The following CPED1 variants were observed in gnomAD, a reference collection of about 807,000 sequenced individuals.
The protein encoded by CPED1 is cadherin-like and PC-esterase domain-containing protein 1.
In CPED1, 114 loss-of-function variants were observed where a neutral mutation model predicts 128.2. The observed-to-expected ratio is 0.89, with a 90% confidence interval of 0.76 to 1.04. CPED1 has a LOEUF of 1.04. Ranked by LOEUF, CPED1 falls within the 50% of genes least tolerant of loss-of-function variation. CPED1 has a pLI of 0.00. For synonymous variants in CPED1, 462 were observed against 426.7 expected (o/e 1.08, Z -1.02); for missense variants, 1,211 against 1,207.1 (o/e 1.00, Z -0.05).
intron 7 of CPED1, among the ~76,000 whole-genome samples, chr7:121,118,882 A>G (rs1795316496): frequency 6.6e-6 from 1 of 152,106 alleles, no homozygotes; most frequent in African/African-American, 2.4e-5. Context: ...ACTCATTCAC[A>G]ATGACAAGAA....
chr7:121,104,460 C>T (rs908018822), intron 7 of CPED1, among the ~76,000 whole-genome samples: 1 of 152,108 alleles, frequency 6.6e-6, no homozygotes, highest in Admixed American at 6.6e-5. Context: ...ATAAGTTACC[C>T]AACAGAGAGG....
chr7:121,106,046 G>A (rs186240890), intron 7 of CPED1, among the ~76,000 whole-genome samples: 6 of 152,176 alleles, frequency 3.9e-5, no homozygotes, highest in Admixed American at 1.3e-4. Context: ...AGTTCCTGGC[G>A]CATGGCAGAT....
At position 121,128,411 on chromosome 7, in the gene CPED1, G is replaced by T. The variant is rs754344685; in HGVS notation, c.1332G>T (p.Gln444His). 14 of 1,599,146 alleles carry T rather than the reference G, an allele frequency of 8.8e-6. No individual in the cohort carries two copies. The highest frequency in any genetic ancestry group is 1.3e-5 in the African/African-American group (1 of 74,590). ...KGENYQKELN[Q>H]CLSLEEINSI... ...AAAACTATCAAAAGGAACTAAATCAGTGTCTGTCCTTAGAAGAAATTAACT... is the reference window on the plus strand; with the variant it reads ...AAAACTATCAAAAGGAACTAAATCATTGTCTGTCCTTAGAAGAAATTAACT... The change falls in exon 11 of 23, where the codon CAG (glutamine) becomes CAT (histidine). Residue 444 changes from glutamine (Q) to histidine (H), a missense_variant. Gln to His is a conservative substitution (Grantham distance 24, BLOSUM62 0). Transcript: ENST00000310396.
At chr7:121,245,327 T>A (rs535565944) in intron 18 of CPED1, among the ~76,000 whole-genome samples, 11 of 152,188 alleles carry the variant, frequency 7.2e-5, no homozygotes, top group Admixed American at 4.6e-4. Flanking sequence ...TTCCTTTTTT[T>A]AAAAAAAGAA....
At chr7:120,994,750 A>G (rs1345039801) in intron 2 of CPED1, among the ~76,000 whole-genome samples, 1 of 151,928 alleles carries the variant, frequency 6.6e-6, no homozygotes, top group African/African-American at 2.4e-5. Flanking sequence ...TGCACATGAT[A>G]AGGAGTCTGG....
intron 2 of CPED1, among the ~76,000 whole-genome samples, chr7:120,996,433 T>C (rs77403227): frequency 6.6e-6 from 1 of 152,232 alleles, no homozygotes; most frequent in African/African-American, 2.4e-5. Context: ...GTCCAAAATA[T>C]TCTTGCCTTG....
intron 16 of CPED1, among the ~76,000 whole-genome samples, chr7:121,189,580 T>TG (rs1196750632): frequency 6.6e-6 from 1 of 151,546 alleles, no homozygotes; most frequent in Non-Finnish European, 1.5e-5. Context: ...GAGATTTGGG[T>TG]GGGGGGACAG....
intron 16 of CPED1, among the ~76,000 whole-genome samples, chr7:121,156,511 A>G (rs926260920): frequency 1.3e-5 from 2 of 152,250 alleles, no homozygotes; most frequent in African/African-American, 4.8e-5. Flanking sequence ...GCCATAAAAA[A>G]GAATGAAATC....
intron 16 of CPED1, among the ~76,000 whole-genome samples, chr7:121,147,702 G>T (rs1796058798): frequency 6.6e-6 from 1 of 152,036 alleles, no homozygotes. Flanking sequence ...AAAGCTACAG[G>T]AAGGTTATAT....
At position 120,989,621 on chromosome 7, in the gene CPED1, C is replaced by A; in HGVS notation, c.-1C>A. 1 of 1,613,960 alleles carries A rather than the reference C, an allele frequency of 6.2e-7. No individual in the cohort carries two copies. The highest frequency in any genetic ancestry group is 1.1e-5 in the South Asian group (1 of 91,014). Reference sequence around the variant, plus strand: ...AGGGGCCAAGTGAAGCTGAACTGGTCATGGTCTGTCGCCCAGTGTTCCCTT... The same window carrying A: ...AGGGGCCAAGTGAAGCTGAACTGGTAATGGTCTGTCGCCCAGTGTTCCCTT... On this transcript the variant is annotated 5_prime_UTR_variant, in exon 2 of 23. Coordinates refer to ENST00000310396, the MANE Select transcript of CPED1 (RefSeq NM_024913.5).
intron 15 of CPED1, 74 bp from the exon 16 acceptor site, chr7:121,141,899 G>A: frequency 8.7e-7 from 1 of 1,150,358 alleles, no homozygotes; most frequent in South Asian, 1.5e-5. Flanking sequence ...AGTAAATATT[G>A]ATATATGAAT....
rs2116484649 is a variant in CPED1 at position 121,176,489 on chromosome 7, A to G, written c.2055+34348A>G. On this transcript the variant is annotated intron_variant, in intron 16 of 22. Transcript: ENST00000310396. ...AATATTACATTTAGTTTTGGTTTGC[A>G]CATTACTAAATACATATAAGCCAAC... Among the ~76,000 whole-genome samples, 5 of 152,160 alleles carry G rather than the reference A, an allele frequency of 3.3e-5. No individual in the cohort carries two copies. The South Asian group carries it at 1.0e-3, about 32-fold the overall frequency.
chr7:121,030,408 A>G (rs562194313), intron 3 of CPED1, among the ~76,000 whole-genome samples: 3 of 152,348 alleles, frequency 2.0e-5, no homozygotes, highest in Non-Finnish European at 1.5e-5. Context: ...TGAAATAAAT[A>G]ATTTGTAAGC....
chr7:120,998,632 T>C (rs1796450482), intron 2 of CPED1, among the ~76,000 whole-genome samples: 1 of 152,196 alleles, frequency 6.6e-6, no homozygotes, highest in African/African-American at 2.4e-5. Context: ...CATAAGTCTT[T>C]GGATAAGAAA....
At chr7:121,135,904 G>C in intron 13 of CPED1, 136 bp from the exon 14 acceptor site, 1 of 542,086 alleles carries the variant, frequency 1.8e-6, no homozygotes, top group Non-Finnish European at 3.0e-6. Context: ...TTTACAGTTT[G>C]ACTTAGAAGT....
chr7:121,246,667 A>G (rs1798542212), intron 18 of CPED1, among the ~76,000 whole-genome samples: 1 of 152,174 alleles, frequency 6.6e-6, no homozygotes, highest in Non-Finnish European at 1.5e-5. Flanking sequence ...GTTTCAACAT[A>G]TGCATTTGGA....
At chr7:121,060,327 C>T (rs1003406047) in intron 4 of CPED1, among the ~76,000 whole-genome samples, 7 of 152,368 alleles carry the variant, frequency 4.6e-5, no homozygotes, top group African/African-American at 1.4e-4. Context: ...TGCGGGCGCA[C>T]GGCGCGGGAC....
At chr7:121,072,185 C>CAA (rs11318194) in intron 5 of CPED1, among the ~76,000 whole-genome samples, 1,410 of 139,254 alleles carry the variant, frequency 0.01, 14 homozygotes, top group South Asian at 0.022. Context: ...TTTTCCTATA[C>CAA]AAAAAAAAAA....
In CPED1 at chr7:120,989,589, C is replaced by A. The variant is rs565305465; in HGVS notation, c.-33C>A. 4 of 1,604,612 alleles carry A rather than the reference C, an allele frequency of 2.5e-6. No homozygotes were observed. The highest frequency in any genetic ancestry group is 3.4e-6 in the Non-Finnish European group (4 of 1,175,950). ...ATAGCTGCTATGACTTTTCCCGCAA[C>A]GTGGACAGGGGCCAAGTGAAGCTGA... On this transcript the variant is annotated 5_prime_UTR_variant, in exon 2 of 23. Transcript: ENST00000310396.
Sources: gnomAD v4.1 joint callset for allele counts (sites outside exome capture counted in the v4.1 genomes callset) on GRCh38, gnomAD v4.1.1 for gene constraint, MANE v1.5 for transcripts, NCBI Gene and HGNC (gene_info 2026-07-23, HGNC 2026-07-21) for gene names.